Variants in PGM2L1 observed in about 807,000 individuals in gnomAD.
PGM2L1 encodes glucose 1,6-bisphosphate synthase.
Under a neutral mutation model 73.4 loss-of-function variants are expected in PGM2L1, and 35 were observed. That is an observed-to-expected ratio of 0.48 (90% CI 0.36 to 0.63). PGM2L1 has a LOEUF of 0.63. PGM2L1 is among the 30% of genes least tolerant of loss of function. PGM2L1 has a pLI of 0.00. For missense variants in PGM2L1, 570 were observed against 742.0 expected, an observed-to-expected ratio of 0.77 and a Z score of 2.69; for synonymous variants, 225 against 253.8, an observed-to-expected ratio of 0.89 and a Z score of 1.08.
chr11:74,364,437 A>T (rs186932004), intron 5 of PGM2L1, among the ~76,000 whole-genome samples: 1 of 152,358 alleles, frequency 6.6e-6, no homozygotes, highest in African/African-American at 2.4e-5. Flanking sequence ...CCCTGTTTGC[A>T]CATGACATGA....
intron 5 of PGM2L1, among the ~76,000 whole-genome samples, chr11:74,356,428 GA>G (rs1330578246): frequency 6.6e-6 from 1 of 152,006 alleles, no homozygotes; most frequent in African/African-American, 2.4e-5. Context: ...AATTATCTTG[GA>G]AAAAATATTT....
Position 74,347,945 on chromosome 11 carries a change from C to A in PGM2L1, c.750-608G>T, listed in dbSNP as rs192905270. On this transcript the variant is annotated intron_variant, in intron 6 of 13. Transcript: ENST00000298198. ...CCCAAAAAGCTTACTTTTTTACTCT[C>A]CAAGATGGTGACTTAATTAGTACCT... Among the ~76,000 whole-genome samples, 490 of 152,334 alleles carry A rather than the reference C, an allele frequency of 3.2e-3. 3 individuals are homozygous for A. In the Middle Eastern group the frequency reaches 0.034, roughly 11 times the overall value.
Position 74,336,674 on chromosome 11 carries a change from C to G in PGM2L1, c.1847G>C (p.Gly616Ala), listed in dbSNP as rs1565432962. The G allele has an allele frequency of 6.2e-7, 1 of 1,611,012 alleles. No individual in the cohort carries two copies. Among genetic ancestry groups the G allele is most frequent in the Non-Finnish European group, 8.5e-7 (1 of 1,177,850 alleles). ...CCCCTAAACAGAACGCCAGATCAGT[C>G]CATTCTTACTAGGCTGAAGAAAATT... ...IENFLQPSKN[G>A]LIWRSV Residue 616 changes from glycine (G) to alanine (A), a missense_variant, in exon 14 of 14, where the codon GGA (glycine) becomes GCA (alanine). By Grantham distance (60) the Gly-to-Ala change is moderately conservative (BLOSUM62 0). Transcript: ENST00000298198.
intron 5 of PGM2L1, among the ~76,000 whole-genome samples, chr11:74,365,186 C>T (rs778904293): frequency 6.6e-6 from 1 of 151,822 alleles, no homozygotes; most frequent in East Asian, 1.9e-4. Context: ...AACTGGATCC[C>T]TTCCTTACAC....
rs1305504710 is a variant in PGM2L1, at chr11:74,332,581, A to C, written c.*4071T>G. On this transcript the variant is annotated 3_prime_UTR_variant, in exon 14 of 14. Transcript: ENST00000298198. ...CCTAGGAAAAGTGGGAGGTAGAGAG[A>C]AAAAGGCATAAAATTAAATGTATCC... 1 of 152,624 alleles carries C rather than the reference A, an allele frequency of 6.6e-6. No individual in the cohort carries two copies. The highest frequency in any genetic ancestry group is 1.5e-5 in the Non-Finnish European group (1 of 68,034). The allele number at this position is 152,624 out of a possible 1,614,324, so 9.5% of individuals were successfully genotyped here. A position where few individuals can be genotyped will look rare whatever the true frequency, so the allele number is the denominator to read the frequency against.
chr11:74,387,353 T>C (rs1464760935), intron 1 of PGM2L1, among the ~76,000 whole-genome samples: 2 of 152,206 alleles, frequency 1.3e-5, no homozygotes, highest in Non-Finnish European at 2.9e-5. Context: ...GGTTTGTGCA[T>C]AGGCTTAAAA....
intron 6 of PGM2L1, among the ~76,000 whole-genome samples, chr11:74,348,728 A>G (rs1297832547): frequency 2.6e-5 from 4 of 152,184 alleles, no homozygotes; most frequent in Non-Finnish European, 5.9e-5. Flanking sequence ...AATGTCATTT[A>G]TTGAAGAAAC....
intron 6 of PGM2L1, among the ~76,000 whole-genome samples, chr11:74,347,723 T>C (rs1030525363): frequency 6.6e-6 from 1 of 152,194 alleles, no homozygotes. Flanking sequence ...GCAAAGTACC[T>C]AATTACACTC....
chr11:74,389,281 C>T (rs571635693), intron 1 of PGM2L1, among the ~76,000 whole-genome samples: 35 of 152,080 alleles, frequency 2.3e-4, no homozygotes, highest in African/African-American at 6.3e-4. Flanking sequence ...AAAACAAAAA[C>T]CCTGAGCTAA....
chr11:74,376,918 C>T (rs555932012), intron 1 of PGM2L1, among the ~76,000 whole-genome samples: 17 of 152,038 alleles, frequency 1.1e-4, no homozygotes, highest in African/African-American at 4.1e-4. Context: ...AGATTTCTCC[C>T]CTATTTAACA....
chr11:74,398,123 C>G lies in PGM2L1; in HGVS notation c.39G>C (p.Leu13=), dbSNP rs745440289. ...CCCCGGTGTGGTAGGGGGCGTGGAGCAGGTTGGAGTTCAGATCCCCCTCTG... is the reference window on the plus strand; with the variant it reads ...CCCCGGTGTGGTAGGGGGCGTGGAGGAGGTTGGAGTTCAGATCCCCCTCTG... ...ENTEGDLNSN[L]LHAPYHTGDP... Residue 13 remains leucine (L), a synonymous_variant, in exon 1 of 14, where the codon CTG becomes CTC. Transcript: ENST00000298198. 6.2e-7 allele frequency: 1 copy of G among 1,613,010 alleles called. No homozygotes were observed. Among genetic ancestry groups the G allele is most frequent in the South Asian group, 1.1e-5 (1 of 90,946 alleles).
chr11:74,361,121 C>T (rs113957610), intron 5 of PGM2L1, among the ~76,000 whole-genome samples: 15 of 152,272 alleles, frequency 9.9e-5, no homozygotes, highest in African/African-American at 2.9e-4. Flanking sequence ...TCCTGACCCC[C>T]GAGTAGTGCA....
intron 5 of PGM2L1, among the ~76,000 whole-genome samples, chr11:74,352,338 A>C (rs597729): frequency 0.63 from 96,094 of 151,996 alleles, 30,562 homozygotes; most frequent in East Asian, 0.8. Flanking sequence ...AAAAAGTCAT[A>C]TTTCTATTAT....
At chr11:74,377,656 A>T (rs1862877459) in intron 1 of PGM2L1, among the ~76,000 whole-genome samples, 6 of 152,156 alleles carry the variant, frequency 3.9e-5, no homozygotes, top group Admixed American at 3.9e-4. Context: ...ACTTATTTTT[A>T]TTGGATAGCC....
chr11:74,377,160 A>G (rs998053515), intron 1 of PGM2L1, among the ~76,000 whole-genome samples: 5 of 147,348 alleles, frequency 3.4e-5, no homozygotes, highest in African/African-American at 1.3e-4. Context: ...TTTGAGACGG[A>G]GTCTCGCTCT....
In PGM2L1 at chr11:74,334,773, T is replaced by A. The variant is rs1029894603; in HGVS notation, c.*1879A>T. ...AATAAATTCTCTAATTACAGTGCTA[T>A]CTCCCATAAGCAATTTGTTTAGGTC... On this transcript the variant is annotated 3_prime_UTR_variant, in exon 14 of 14. Transcript: ENST00000298198. 5.3e-5 allele frequency: 8 copies of A among 152,204 alleles called. No homozygotes were observed. The highest frequency in any genetic ancestry group is 7.3e-5 in the Non-Finnish European group (5 of 68,042). The allele number at this position is 152,204 out of a possible 1,614,324, so 9.4% of individuals were successfully genotyped here.
intron 13 of PGM2L1, among the ~76,000 whole-genome samples, chr11:74,337,787 T>A (rs1862119874): frequency 6.6e-6 from 1 of 152,164 alleles, no homozygotes. Flanking sequence ...AGAAATTCAA[T>A]ACAATTTTAA....
At chr11:74,392,325 T>G (rs1486267039) in intron 1 of PGM2L1, among the ~76,000 whole-genome samples, 1 of 151,844 alleles carries the variant, frequency 6.6e-6, no homozygotes, top group East Asian at 1.9e-4. Context: ...CAGGAGAAAA[T>G]GTAGGAAATT....
chr11:74,383,669 C>T (rs1470466406), intron 1 of PGM2L1, among the ~76,000 whole-genome samples: 1 of 151,830 alleles, frequency 6.6e-6, no homozygotes, highest in African/African-American at 2.4e-5. Context: ...CATTGTTCAG[C>T]TCCCACTTGT....
Sources: allele counts gnomAD v4.1 joint callset (sites outside exome capture counted in the v4.1 genomes callset), GRCh38; gene constraint gnomAD v4.1.1; transcripts MANE v1.5; gene names NCBI Gene and HGNC (gene_info 2026-07-23, HGNC 2026-07-21).